ACSM1: variants seen among roughly 807,000 people sequenced by gnomAD.
The protein encoded by ACSM1 is acyl-CoA synthetase medium chain family member 1.
ACSM1 carries 79 observed loss-of-function variants against 75.8 expected under a neutral mutation model. That is an observed-to-expected ratio of 1.04 (90% confidence interval 0.87 to 1.26). The LOEUF (loss-of-function observed/expected upper bound fraction) is 1.26. Among genes scored for constraint, ACSM1 ranks in the 50% most tolerant of loss-of-function variants. The pLI, the probability that ACSM1 is intolerant of heterozygous loss-of-function variation, is 0.00. For missense variants in ACSM1, 676 were observed against 720.1 expected (o/e 0.94, Z 0.70); for synonymous variants, 279 against 265.8 (o/e 1.05, Z -0.48).
chr16:20,672,471 A>AATATATAT (rs1392857890), intron 4 of ACSM1, among the ~76,000 whole-genome samples: 344 of 64,360 alleles, frequency 5.3e-3, no homozygotes, highest in East Asian at 0.013. Flanking sequence ...AAAAAAAAAA[A>AATATATAT]ATATATATAT....
intron 2 of ACSM1, among the ~76,000 whole-genome samples, chr16:20,687,815 G>A (rs1050239319): frequency 2.6e-5 from 4 of 152,146 alleles, no homozygotes; most frequent in Non-Finnish European, 5.9e-5. Flanking sequence ...CAGGCACGGT[G>A]GCTCATGCCT....
At chr16:20,626,898 C>T (rs1382724880) in intron 11 of ACSM1, among the ~76,000 whole-genome samples, 1 of 151,996 alleles carries the variant, frequency 6.6e-6, no homozygotes, top group East Asian at 1.9e-4. Flanking sequence ...CCTATGGAGA[C>T]CAAGACAGAG....
chr16:20,645,002 T>C (rs917678608), intron 7 of ACSM1, among the ~76,000 whole-genome samples: 20 of 152,338 alleles, frequency 1.3e-4, no homozygotes, highest in African/African-American at 4.3e-4. Context: ...TGAAATGAAT[T>C]TGCATAAGAA....
intron 4 of ACSM1, 114 bp from the exon 5 acceptor site, chr16:20,671,785 G>GTTGTTTA: frequency 8.2e-7 from 1 of 1,213,114 alleles, no homozygotes. Context: ...TGCAACACTA[G>GTTGTTTA]AGGAAAACTG....
At chr16:20,630,932 C>G (rs889112491) in intron 10 of ACSM1, among the ~76,000 whole-genome samples, 3 of 152,150 alleles carry the variant, frequency 2.0e-5, no homozygotes, top group African/African-American at 7.2e-5. Flanking sequence ...ACCAATGAAT[C>G]AAAGAAGAAG....
chr16:20,686,952 T>G (rs987176712), intron 2 of ACSM1, among the ~76,000 whole-genome samples: 1 of 151,490 alleles, frequency 6.6e-6, no homozygotes, highest in Admixed American at 6.6e-5. Context: ...GAAAAAGCCA[T>G]ACTCAAAATG....
At chr16:20,662,071 A>T (rs1163157116) in intron 6 of ACSM1, among the ~76,000 whole-genome samples, 198 bp from the exon 7 acceptor site, 1 of 152,232 alleles carries the variant, frequency 6.6e-6, no homozygotes, top group African/African-American at 2.4e-5. Context: ...AAAAACGCAG[A>T]TAACGTTCCA....
At chr16:20,638,452 T>A (rs1018249968) in intron 8 of ACSM1, among the ~76,000 whole-genome samples, 1 of 152,152 alleles carries the variant, frequency 6.6e-6, no homozygotes, top group African/African-American at 2.4e-5. Context: ...ATAATGAGCA[T>A]CCCAAGAATA....
intron 10 of ACSM1, among the ~76,000 whole-genome samples, chr16:20,630,383 G>A (rs1041357552): frequency 7.9e-5 from 12 of 151,972 alleles, no homozygotes; most frequent in Admixed American, 4.6e-4. Context: ...CACGATGCCC[G>A]GTCAAAATAA....
At chr16:20,655,715 T>G (rs1596859542) in intron 7 of ACSM1, among the ~76,000 whole-genome samples, 1 of 152,160 alleles carries the variant, frequency 6.6e-6, no homozygotes, top group Non-Finnish European at 1.5e-5. Flanking sequence ...CAGGCTGGAG[T>G]GCAGTGGCAT....
chr16:20,689,779 T>A (rs1265253466), intron 2 of ACSM1, among the ~76,000 whole-genome samples: 3 of 152,174 alleles, frequency 2.0e-5, no homozygotes, highest in African/African-American at 4.8e-5. Context: ...AGATTTCCAG[T>A]CTGGGCAATG....
rs577802229 is a variant in ACSM1 at position 20,693,144 on chromosome 16, T to G, written c.-51-1905A>C. On this transcript the variant is annotated intron_variant, in intron 1 of 13. Transcript: ENST00000520010. ...GAGATCATGCCACTGCACTGAAGCC[T>G]GGGCAACAGAGCAAAATTCCGTCTC... Among the ~76,000 whole-genome samples the G allele has an allele frequency of 1.4e-3, 204 of 149,060 alleles. 1 individual carries two copies. Among genetic ancestry groups the G allele is most frequent in the African/African-American group, 4.9e-3 (196 of 40,330 alleles).
At chr16:20,658,612 A>T (rs183387615) in intron 7 of ACSM1, among the ~76,000 whole-genome samples, 1 of 152,240 alleles carries the variant, frequency 6.6e-6, no homozygotes, top group Admixed American at 6.5e-5. Flanking sequence ...GACGGTGCAG[A>T]ATTATGACTT....
intron 7 of ACSM1, among the ~76,000 whole-genome samples, chr16:20,646,958 A>T (rs2018401566): frequency 6.6e-6 from 1 of 152,220 alleles, no homozygotes. Context: ...GGTGACAATC[A>T]GGTGCCTATG....
At chr16:20,694,721 T>C (rs1317640722) in intron 1 of ACSM1, among the ~76,000 whole-genome samples, 3 of 152,178 alleles carry the variant, frequency 2.0e-5, no homozygotes, top group Non-Finnish European at 4.4e-5. Context: ...GTGTCCCCCA[T>C]GAATGTATGT....
chr16:20,636,569 G>A (rs2017716717), intron 10 of ACSM1, among the ~76,000 whole-genome samples, 170 bp downstream of exon 10: 1 of 152,186 alleles, frequency 6.6e-6, no homozygotes. Flanking sequence ...GTTCCAGGTG[G>A]GTTCAGACAG....
intron 4 of ACSM1, among the ~76,000 whole-genome samples, chr16:20,672,790 T>A (rs1156267118): frequency 6.2e-4 from 75 of 121,638 alleles, no homozygotes; most frequent in African/African-American, 2.6e-3. Flanking sequence ...ATAAATTATG[T>A]ACAAAATATG....
intron 7 of ACSM1, among the ~76,000 whole-genome samples, chr16:20,657,557 C>T (rs1244705692): frequency 6.6e-6 from 1 of 152,168 alleles, no homozygotes; most frequent in Admixed American, 6.5e-5. Flanking sequence ...GATCCACCCA[C>T]CTCGGCCTCC....
chr16:20,692,947 G>T (rs2079668172), intron 1 of ACSM1, among the ~76,000 whole-genome samples: 1 of 151,980 alleles, frequency 6.6e-6, no homozygotes. Context: ...GAGGCAGGTG[G>T]ATCATGAGGT....
Sources: allele counts gnomAD v4.1 joint callset (sites outside exome capture counted in the v4.1 genomes callset), GRCh38; gene constraint gnomAD v4.1.1; transcripts MANE v1.5; gene names NCBI Gene and HGNC (gene_info 2026-07-23, HGNC 2026-07-21).